The following RYR2 variants were observed in gnomAD, a reference collection of about 807,000 sequenced individuals.
RYR2 encodes the protein cardiac muscle ryanodine receptor-calcium release channel.
In RYR2, 227 loss-of-function variants were observed where a neutral mutation model predicts 601.1. The ratio of observed to expected loss-of-function variants is 0.38; its 90% CI spans 0.34 to 0.42. RYR2 has a LOEUF of 0.42. Among genes scored for constraint, RYR2 ranks in the 10% least tolerant of loss-of-function variants. RYR2 has a pLI of 1.00. For missense variants in RYR2, 4,646 were observed against 6,156.5 expected (o/e 0.75, Z 8.21); for synonymous variants, 2,223 against 2,175.1 (o/e 1.02, Z -0.61).
At chr1:237,493,332 A>T (rs903292972) in intron 19 of RYR2, among the ~76,000 whole-genome samples, 1 of 152,240 alleles carries the variant, frequency 6.6e-6, no homozygotes, top group African/African-American at 2.4e-5. Context: ...ATTCCTATGT[A>T]GATACATAAC....
At chr1:237,118,675 C>T (rs891432534) in intron 1 of RYR2, among the ~76,000 whole-genome samples, 2 of 151,956 alleles carry the variant, frequency 1.3e-5, no homozygotes, top group Non-Finnish European at 2.9e-5. Flanking sequence ...CATGATTTGG[C>T]TCACTGCAAC....
intron 2 of RYR2, among the ~76,000 whole-genome samples, chr1:237,316,532 C>A (rs979732158): frequency 6.6e-6 from 1 of 152,166 alleles, no homozygotes; most frequent in African/African-American, 2.4e-5. Flanking sequence ...TGTTTGCTCT[C>A]GACAGATGTA....
chr1:237,182,474 T>A (rs1365426523), intron 1 of RYR2, among the ~76,000 whole-genome samples: 2 of 152,180 alleles, frequency 1.3e-5, no homozygotes, highest in South Asian at 4.1e-4. Flanking sequence ...TCCTGGAAAT[T>A]GTCACCATCT....
intron 16 of RYR2, among the ~76,000 whole-genome samples, chr1:237,463,664 G>A (rs1449056470): frequency 2.0e-5 from 3 of 152,110 alleles, no homozygotes; most frequent in Non-Finnish European, 4.4e-5. Flanking sequence ...AACATAAAGA[G>A]ACCCTGTCTC....
intron 96 of RYR2, 76 bp downstream of exon 96, chr1:237,795,407 A>G: frequency 1.3e-6 from 1 of 746,014 alleles, no homozygotes. Context: ...TCAGATGTAG[A>G]ATAAGATATT....
chr1:237,352,713 C>G, intron 3 of RYR2: 1 of 235,468 alleles, frequency 4.2e-6, no homozygotes, highest in East Asian at 1.1e-4. Flanking sequence ...ACAATAAGAC[C>G]GTTGGGTATT....
chr1:237,700,116 G>T (rs756361615), intron 64 of RYR2, 113 bp from the exon 65 acceptor site: 1 of 705,010 alleles, frequency 1.4e-6, no homozygotes, highest in East Asian at 2.7e-5. Context: ...TTAAAAGTTG[G>T]TTACCAGGTG....
At chr1:237,365,972 C>G (rs947672829) in intron 5 of RYR2, among the ~76,000 whole-genome samples, 2 of 152,220 alleles carry the variant, frequency 1.3e-5, no homozygotes, top group South Asian at 2.1e-4. Flanking sequence ...TTCACACTTG[C>G]AATGGATGAT....
At chr1:237,374,907 A>G (rs1700906035) in intron 7 of RYR2, 112 bp downstream of exon 7, 2 of 793,278 alleles carry the variant, frequency 2.5e-6, no homozygotes, top group Admixed American at 5.0e-5. Context: ...GGATGGAGTC[A>G]GGAAAGAATG....
At chr1:237,187,573 A>C (rs1393953786) in intron 1 of RYR2, among the ~76,000 whole-genome samples, 2 of 149,922 alleles carry the variant, frequency 1.3e-5, no homozygotes, top group African/African-American at 4.9e-5. Flanking sequence ...CCTCCTGAAT[A>C]GCTGGGACTG....
At chr1:237,244,184 T>G (rs182129193) in intron 1 of RYR2, among the ~76,000 whole-genome samples, 2 of 152,336 alleles carry the variant, frequency 1.3e-5, no homozygotes, top group East Asian at 3.9e-4. Flanking sequence ...ACATAGCTTC[T>G]TCCTTTTGCT....
At chr1:237,510,969 A>AG (rs1398028434) in intron 23 of RYR2, among the ~76,000 whole-genome samples, 1 of 152,210 alleles carries the variant, frequency 6.6e-6, no homozygotes, top group Non-Finnish European at 1.5e-5. Flanking sequence ...GGTAACATGC[A>AG]GGGGGTAAAA....
chr1:237,479,697 G>A (rs1010202585), intron 17 of RYR2, among the ~76,000 whole-genome samples: 5 of 152,144 alleles, frequency 3.3e-5, no homozygotes, highest in African/African-American at 1.2e-4. Context: ...CGTTTCACAG[G>A]GAGACCCAGA....
chr1:237,773,753 C>A, intron 87 of RYR2, 105 bp downstream of exon 87: 1 of 826,686 alleles, frequency 1.2e-6, no homozygotes, highest in Non-Finnish European at 1.8e-6. Context: ...TTCTGAGTTT[C>A]TTTGCAAATT....
At chr1:237,748,986 A>T (rs1692314459) in intron 80 of RYR2, among the ~76,000 whole-genome samples, 1 of 152,170 alleles carries the variant, frequency 6.6e-6, no homozygotes, top group African/African-American at 2.4e-5. Flanking sequence ...AGGAGGATGT[A>T]CGTAGGTTAA....
intron 92 of RYR2, among the ~76,000 whole-genome samples, chr1:237,789,070 A>G (rs1043046394): frequency 6.6e-6 from 1 of 151,650 alleles, no homozygotes; most frequent in South Asian, 2.1e-4. Context: ...AATTTTTATA[A>G]TTTTTATAAG....
intron 56 of RYR2, 135 bp downstream of exon 56, chr1:237,661,082 A>G (rs2148847473): frequency 1.2e-6 from 1 of 839,424 alleles, no homozygotes; most frequent in East Asian, 3.4e-5. Context: ...GGAGAGAAAA[A>G]AGCTATATAT....
chr1:237,391,160 A>G (rs1469161502), intron 10 of RYR2, among the ~76,000 whole-genome samples: 1 of 151,954 alleles, frequency 6.6e-6, no homozygotes, highest in Non-Finnish European at 1.5e-5. Flanking sequence ...AAAGTTTTCA[A>G]CCTCCCTCTG....
rs547271917 is a variant in RYR2 at position 237,175,288 on chromosome 1, A to G, written c.49-95209A>G. On this transcript the variant is annotated intron_variant, in intron 1 of 104. Coordinates refer to ENST00000366574, the MANE Select transcript of RYR2 (RefSeq NM_001035.3). Reference sequence around the variant, plus strand: ...CTAGAATTCTTTTATGTGGTTTTTTAGAGATAATTTCTCCTCTTTATTTTC... The same window carrying G: ...CTAGAATTCTTTTATGTGGTTTTTTGGAGATAATTTCTCCTCTTTATTTTC... 4.7e-4 allele frequency among the ~76,000 whole-genome samples: 72 copies of G among 152,304 alleles called. 1 individual carries two copies. Among genetic ancestry groups the G allele is most frequent in the Admixed American group, 1.4e-3 (22 of 15,302 alleles).
Sources: allele counts gnomAD v4.1 joint callset (sites outside exome capture counted in the v4.1 genomes callset), GRCh38; gene constraint gnomAD v4.1.1; transcripts MANE v1.5; gene names NCBI Gene and HGNC (gene_info 2026-07-23, HGNC 2026-07-21).